Variants in CNTNAP5 observed in about 807,000 individuals in gnomAD.
The protein encoded by CNTNAP5 is contactin-associated protein-like 5.
CNTNAP5 carries 72 observed loss-of-function variants against 150.2 expected under a neutral mutation model. The ratio of observed to expected loss-of-function variants is 0.48; its 90% CI spans 0.40 to 0.58. CNTNAP5 has a LOEUF of 0.58. CNTNAP5 is among the 20% of genes least tolerant of loss of function. The pLI is 0.00. For synonymous variants in CNTNAP5, 672 were observed against 619.8 expected, an observed-to-expected ratio of 1.08 and a Z score of -1.25; for missense variants, 1,636 against 1,626.2, an observed-to-expected ratio of 1.01 and a Z score of -0.10.
At chr2:124,775,584 A>T (rs1019675192) in intron 17 of CNTNAP5, among the ~76,000 whole-genome samples, 6 of 152,204 alleles carry the variant, frequency 3.9e-5, no homozygotes, top group African/African-American at 1.4e-4. Flanking sequence ...TTTTTACAAT[A>T]GGATGTTCCT....
chr2:124,202,593 A>G (rs1432503756), intron 1 of CNTNAP5, among the ~76,000 whole-genome samples: 1 of 152,228 alleles, frequency 6.6e-6, no homozygotes, highest in East Asian at 1.9e-4. Context: ...CTGCGACTGC[A>G]TAATTTATAA....
intron 1 of CNTNAP5, among the ~76,000 whole-genome samples, chr2:124,209,722 A>G (rs1257453230): frequency 1.3e-5 from 2 of 152,156 alleles, no homozygotes. Context: ...CAAAGAGCTC[A>G]AGGACCTGTG....
chr2:124,675,500 C>T (rs1334616718), intron 13 of CNTNAP5, among the ~76,000 whole-genome samples: 2 of 151,972 alleles, frequency 1.3e-5, no homozygotes, highest in Non-Finnish European at 2.9e-5. Flanking sequence ...CATTTTTCTA[C>T]TTCTTTATTG....
At chr2:124,766,464 A>G (rs960655033) in intron 16 of CNTNAP5, among the ~76,000 whole-genome samples, 2 of 152,018 alleles carry the variant, frequency 1.3e-5, no homozygotes, top group Non-Finnish European at 2.9e-5. Flanking sequence ...GCAAATTACC[A>G]AGCAGCTAAG....
At position 124,758,753 on chromosome 2, in the gene CNTNAP5, G is replaced by C. The variant is rs189156822; in HGVS notation, c.2235-4919G>C. Among the ~76,000 whole-genome samples, 714 of 152,082 alleles carry C rather than the reference G, an allele frequency of 4.7e-3. 6 individuals carry two copies. The highest frequency in any genetic ancestry group is 0.014 in the African/African-American group (596 of 41,500). Reference sequence around the variant, plus strand: ...ACTACAGCATGCAAGCAGAAAGAGTGGGAGAAGTTGAAGGTACAACATAAA... The same window carrying C: ...ACTACAGCATGCAAGCAGAAAGAGTCGGAGAAGTTGAAGGTACAACATAAA... On this transcript the variant is annotated intron_variant, in intron 14 of 23. Coordinates refer to ENST00000682447, the MANE Select transcript of CNTNAP5 (RefSeq NM_001367498.1).
intron 12 of CNTNAP5, among the ~76,000 whole-genome samples, chr2:124,639,319 G>A (rs1678041841): frequency 6.6e-6 from 1 of 152,190 alleles, no homozygotes. Flanking sequence ...ATCTTGTGAT[G>A]AGCTCCAGAG....
rs141678451 is a variant in CNTNAP5 at position 124,647,553 on chromosome 2, C to T, written c.1877-205C>T. On this transcript the variant is annotated intron_variant, in intron 12 of 23. Coordinates refer to ENST00000682447, the MANE Select transcript of CNTNAP5 (RefSeq NM_001367498.1). ...TGTAGAGCCTGTGGGAAAAGGGCTC[C>T]GCAAATTGAGCTCTTAAGATTACTG... Among the ~76,000 whole-genome samples, 116 of 152,266 alleles carry T rather than the reference C, an allele frequency of 7.6e-4. 1 individual carries two copies. The highest frequency in any genetic ancestry group is 3.4e-3 in the Middle Eastern group (1 of 292).
At chr2:124,027,117 G>T (rs1387551468) in intron 1 of CNTNAP5, among the ~76,000 whole-genome samples, 1 of 152,228 alleles carries the variant, frequency 6.6e-6, no homozygotes, top group Non-Finnish European at 1.5e-5. Context: ...CCCTGGTTTA[G>T]AAATTATTTC....
intron 10 of CNTNAP5, among the ~76,000 whole-genome samples, chr2:124,545,222 A>G (rs1008645546): frequency 4.6e-5 from 7 of 152,128 alleles, no homozygotes; most frequent in African/African-American, 1.2e-4. Context: ...AAAATCTCCA[A>G]TAGCATACTA....
intron 4 of CNTNAP5, among the ~76,000 whole-genome samples, chr2:124,434,085 T>A (rs1692462280): frequency 6.6e-6 from 1 of 152,190 alleles, no homozygotes; most frequent in Non-Finnish European, 1.5e-5. Context: ...TCATCTCTAA[T>A]GTTGTGTCTG....
At chr2:124,129,439 C>T (rs1361924726) in intron 1 of CNTNAP5, among the ~76,000 whole-genome samples, 1 of 152,076 alleles carries the variant, frequency 6.6e-6, no homozygotes, top group Non-Finnish European at 1.5e-5. Context: ...TTCTCTTTCC[C>T]AGGCATCCTC....
At chr2:124,168,931 C>G (rs1684867666) in intron 1 of CNTNAP5, among the ~76,000 whole-genome samples, 1 of 152,102 alleles carries the variant, frequency 6.6e-6, no homozygotes, top group Non-Finnish European at 1.5e-5. Context: ...TCTGACCATC[C>G]CTACCTCTGA....
At chr2:124,685,637 T>C (rs1679172929) in intron 13 of CNTNAP5, among the ~76,000 whole-genome samples, 1 of 152,118 alleles carries the variant, frequency 6.6e-6, no homozygotes. Context: ...ACTGAGGTTT[T>C]TTAAAACGAA....
intron 9 of CNTNAP5, among the ~76,000 whole-genome samples, chr2:124,525,909 C>A (rs1694954527): frequency 6.6e-6 from 1 of 152,122 alleles, no homozygotes; most frequent in African/African-American, 2.4e-5. Flanking sequence ...GATCTGTGTT[C>A]CCACAGCCCA....
chr2:124,052,763 C>T (rs985672347), intron 1 of CNTNAP5, among the ~76,000 whole-genome samples: 12 of 152,168 alleles, frequency 7.9e-5, no homozygotes, highest in Non-Finnish European at 1.2e-4. Context: ...TTTTGGCTGA[C>T]CTCTCTGAAC....
intron 3 of CNTNAP5, among the ~76,000 whole-genome samples, chr2:124,269,597 CG>C (rs1379736104): frequency 6.6e-6 from 1 of 151,810 alleles, no homozygotes; most frequent in Non-Finnish European, 1.5e-5. Context: ...AGTCTGAACA[CG>C]GAAAGTGATA....
chr2:124,804,510 G>C (rs945259306), intron 19 of CNTNAP5, among the ~76,000 whole-genome samples: 2 of 152,174 alleles, frequency 1.3e-5, no homozygotes, highest in African/African-American at 4.8e-5. Context: ...GCTGTATTTG[G>C]AGTAACAGGG....
At chr2:124,581,408 A>G (rs1696408919) in intron 11 of CNTNAP5, among the ~76,000 whole-genome samples, 1 of 152,222 alleles carries the variant, frequency 6.6e-6, no homozygotes, top group Non-Finnish European at 1.5e-5. Flanking sequence ...GAAGACAAAG[A>G]ATAAAAGTGA....
At chr2:124,772,435 G>T (rs1681222904) in intron 16 of CNTNAP5, among the ~76,000 whole-genome samples, 1 of 152,186 alleles carries the variant, frequency 6.6e-6, no homozygotes, top group African/African-American at 2.4e-5. Context: ...CTCCCTGCAG[G>T]AGTGGAGCTG....
Sources: gnomAD v4.1 joint callset for allele counts (sites outside exome capture counted in the v4.1 genomes callset) on GRCh38, gnomAD v4.1.1 for gene constraint, MANE v1.5 for transcripts, NCBI Gene and HGNC (gene_info 2026-07-23, HGNC 2026-07-21) for gene names.